Variants in GALNTL6 observed in about 807,000 individuals in gnomAD.
The protein encoded by GALNTL6 is polypeptide N-acetylgalactosaminyltransferase like 6, also known as polypeptide N-acetylgalactosaminyltransferase-like 6.
A neutral mutation model predicts 73.7 loss-of-function variants in GALNTL6; 46 were observed. The observed-to-expected ratio is 0.62, with a 90% confidence interval of 0.49 to 0.80. The LOEUF is 0.80. GALNTL6 is among the 30% of genes least tolerant of loss of function. GALNTL6 has a pLI of 0.00. For synonymous variants in GALNTL6, 259 were observed against 263.7 expected, an observed-to-expected ratio of 0.98 and a Z score of 0.17; for missense variants, 604 against 755.0, an observed-to-expected ratio of 0.80 and a Z score of 2.34.
At chr4:172,734,021 G>A (rs1736307074) in intron 5 of GALNTL6, among the ~76,000 whole-genome samples, 2 of 152,200 alleles carry the variant, frequency 1.3e-5, no homozygotes, top group South Asian at 2.1e-4. Context: ...AATGTTGATA[G>A]TGATATGGAC....
intron 5 of GALNTL6, among the ~76,000 whole-genome samples, chr4:172,759,418 G>A (rs1288072845): frequency 6.6e-6 from 1 of 152,224 alleles, no homozygotes; most frequent in East Asian, 1.9e-4. Flanking sequence ...CTTATTACCA[G>A]TCAGATCCAT....
chr4:172,671,549 G>T (rs1481418459), intron 5 of GALNTL6, among the ~76,000 whole-genome samples: 1 of 152,146 alleles, frequency 6.6e-6, no homozygotes, highest in Non-Finnish European at 1.5e-5. Flanking sequence ...ATCAGCTTAA[G>T]GAGCTTTTTG....
At chr4:171,985,003 AAAAAG>A (rs1740023554) in intron 2 of GALNTL6, among the ~76,000 whole-genome samples, 1 of 151,984 alleles carries the variant, frequency 6.6e-6, no homozygotes, top group Admixed American at 6.6e-5. Context: ...AACAAAAAAA[AAAAAG>A]AAAAGAAAAC....
chr4:171,977,243 A>G (rs550230449), intron 2 of GALNTL6, among the ~76,000 whole-genome samples: 1 of 152,334 alleles, frequency 6.6e-6, no homozygotes, highest in East Asian at 1.9e-4. Context: ...TTATCCAAAA[A>G]TGAAAAGAAC....
intron 7 of GALNTL6, among the ~76,000 whole-genome samples, chr4:172,855,620 T>C (rs1744084486): frequency 6.6e-6 from 1 of 152,194 alleles, no homozygotes; most frequent in African/African-American, 2.4e-5. Context: ...TAAGGCTCTC[T>C]GAATGTAAAT....
At chr4:172,948,725 C>A (rs1188168933) in intron 9 of GALNTL6, among the ~76,000 whole-genome samples, 1 of 151,906 alleles carries the variant, frequency 6.6e-6, no homozygotes, top group Admixed American at 6.6e-5. Flanking sequence ...CCTGCCTCAG[C>A]CTCCCAAAGT....
At chr4:172,606,323 G>A (rs534345878) in intron 5 of GALNTL6, among the ~76,000 whole-genome samples, 23 of 151,428 alleles carry the variant, frequency 1.5e-4, no homozygotes, top group South Asian at 4.2e-4. Context: ...GCATGGTGGC[G>A]CATGCCTGTA....
chr4:172,231,264 G>A (rs1342573018), intron 3 of GALNTL6, among the ~76,000 whole-genome samples: 1 of 152,062 alleles, frequency 6.6e-6, no homozygotes, highest in Non-Finnish European at 1.5e-5. Context: ...TTTTGGAAAT[G>A]TTTTCATAAT....
chr4:172,404,658 G>A (rs1744148833), intron 5 of GALNTL6, among the ~76,000 whole-genome samples: 1 of 152,108 alleles, frequency 6.6e-6, no homozygotes, highest in East Asian at 1.9e-4. Context: ...AATATTCAGT[G>A]TTTTAATTAG....
intron 2 of GALNTL6, among the ~76,000 whole-genome samples, chr4:172,218,554 G>A (rs1169717915): frequency 1.3e-5 from 2 of 152,018 alleles, no homozygotes; most frequent in Non-Finnish European, 2.9e-5. Flanking sequence ...AGAGACCTTG[G>A]TTGGGACTCT....
chr4:172,519,405 C>G (rs922439899), intron 5 of GALNTL6, among the ~76,000 whole-genome samples: 6 of 151,022 alleles, frequency 4.0e-5, no homozygotes, highest in Admixed American at 6.6e-5. Flanking sequence ...AGTTGACCAA[C>G]CCTCTTCACC....
chr4:172,128,364 A>G (rs1436242188), intron 2 of GALNTL6, among the ~76,000 whole-genome samples: 1 of 152,170 alleles, frequency 6.6e-6, no homozygotes, highest in Non-Finnish European at 1.5e-5. Flanking sequence ...TAGATAAAAC[A>G]TACAAGAGGC....
chr4:172,416,097 A>G lies in GALNTL6; in HGVS notation c.553+67408A>G, dbSNP rs934478861. 7.2e-5 allele frequency among the ~76,000 whole-genome samples: 11 copies of G among 152,162 alleles called. 1 individual carries two copies. The highest frequency in any genetic ancestry group is 2.7e-4 in the African/African-American group (11 of 41,456). On this transcript the variant is annotated intron_variant, in intron 5 of 12. Coordinates refer to ENST00000506823, the MANE Select transcript of GALNTL6 (RefSeq NM_001034845.3). ...AATTTGTATGAAGGTCTCGAAATGTATGGGGATACGATTCAATAAAAGCTC... is the reference window on the plus strand; with the variant it reads ...AATTTGTATGAAGGTCTCGAAATGTGTGGGGATACGATTCAATAAAAGCTC...
At chr4:172,438,633 C>G (rs1452831372) in intron 5 of GALNTL6, among the ~76,000 whole-genome samples, 1 of 151,970 alleles carries the variant, frequency 6.6e-6, no homozygotes, top group Non-Finnish European at 1.5e-5. Context: ...TACTCTGTAC[C>G]TCTGTCAGTG....
At chr4:172,486,373 A>G (rs915881467) in intron 5 of GALNTL6, among the ~76,000 whole-genome samples, 14 of 152,200 alleles carry the variant, frequency 9.2e-5, no homozygotes, top group African/African-American at 3.1e-4. Context: ...TAAGCTTCCT[A>G]GAGAGATGAG....
At chr4:171,977,274 T>G (rs751219003) in intron 2 of GALNTL6, among the ~76,000 whole-genome samples, 1 of 152,210 alleles carries the variant, frequency 6.6e-6, no homozygotes, top group Non-Finnish European at 1.5e-5. Flanking sequence ...GTCACCAATT[T>G]TAAATTATTG....
rs562333402 is a variant in GALNTL6, at chr4:172,071,257, C to T, written c.139-158399C>T. The stretch of plus-strand genomic sequence containing the variant: ...GGAGGATGGTCAGCTCTCTCATCAA[C>T]GTGTGGTTTTCAAGGATTGTGCTAT... On this transcript the variant is annotated intron_variant, in intron 2 of 12. Transcript: ENST00000506823. 1.8e-5 allele frequency among the ~76,000 whole-genome samples: 2 copies of T among 109,640 alleles called. 1 individual carries two copies. Among genetic ancestry groups the T allele is most frequent in the South Asian group, 5.4e-4 (2 of 3,738 alleles). The allele number at this position is 109,640 out of a possible 152,430, so 71.9% of individuals were successfully genotyped here.
chr4:172,444,685 G>C (rs1303134858), intron 5 of GALNTL6, among the ~76,000 whole-genome samples: 1 of 152,114 alleles, frequency 6.6e-6, no homozygotes, highest in Non-Finnish European at 1.5e-5. Flanking sequence ...AAAAGCATGA[G>C]AAAGAAGATA....
At chr4:172,577,232 T>C (rs1736989929) in intron 5 of GALNTL6, among the ~76,000 whole-genome samples, 1 of 152,196 alleles carries the variant, frequency 6.6e-6, no homozygotes, top group Non-Finnish European at 1.5e-5. Flanking sequence ...GTAAAAATAA[T>C]GTTGAGTGGG....
Sources: allele counts gnomAD v4.1 joint callset (sites outside exome capture counted in the v4.1 genomes callset), GRCh38; gene constraint gnomAD v4.1.1; transcripts MANE v1.5; gene names NCBI Gene and HGNC (gene_info 2026-07-23, HGNC 2026-07-21).